The following ADGRG6 variants were observed in gnomAD, a reference collection of about 807,000 sequenced individuals.
ADGRG6 encodes adhesion G protein-coupled receptor G6.
A neutral mutation model predicts 142.4 loss-of-function variants in ADGRG6; 84 were observed. The observed-to-expected ratio is 0.59, with a 90% CI of 0.49 to 0.71. The LOEUF is 0.71. Ranked by LOEUF, ADGRG6 falls within the 30% of genes least tolerant of loss-of-function variation. ADGRG6 has a pLI of 0.00. For synonymous variants in ADGRG6, 521 were observed against 520.5 expected (o/e 1.00, Z -0.01); for missense variants, 1,367 against 1,466.6 (o/e 0.93, Z 1.11).
chr6:142,411,337 G>A lies in ADGRG6; in HGVS notation c.2467G>A (p.Val823Ile). The A allele has an allele frequency of 6.2e-7, 1 of 1,608,616 alleles. No homozygotes were observed. Among genetic ancestry groups the A allele is most frequent in the Non-Finnish European group, 8.5e-7 (1 of 1,175,144 alleles). The stretch of plus-strand genomic sequence containing the variant: ...TGGAGGATGGAACACGTCAGGATGT[G>A]TTGCACACAGAGATTCAGATGCAAG... ...SFGGWNTSGC[V>I]AHRDSDASET... The change falls in exon 18 of 25, where the codon GTT becomes ATT. Residue 823 changes from valine (V) to isoleucine (I), a missense_variant. Transcript: ENST00000367609.
Position 142,375,381 on chromosome 6 carries a change from C to T in ADGRG6, c.1069+4588C>T, listed in dbSNP as rs538318204. On this transcript the variant is annotated intron_variant, in intron 4 of 24. Transcript: ENST00000367609. The stretch of plus-strand genomic sequence containing the variant: ...ATTCCAAGTTGACGTTAAACACTCA[C>T]ATTCCAGACATTCAGATGTCCTGGA... Among the ~76,000 whole-genome samples the T allele has an allele frequency of 2.3e-4, 35 of 152,292 alleles. No individual in the cohort carries two copies. The South Asian group carries it at 7.0e-3, about 31-fold the overall frequency.
chr6:142,370,876 A>T, intron 4 of ADGRG6, 83 bp downstream of exon 4: 3 of 1,294,622 alleles, frequency 2.3e-6, no homozygotes, highest in Admixed American at 4.0e-5. Context: ...TTATACATAC[A>T]CACAAATGTA....
intron 2 of ADGRG6, among the ~76,000 whole-genome samples, chr6:142,328,560 T>C (rs1778893406): frequency 6.6e-6 from 1 of 152,196 alleles, no homozygotes; most frequent in African/African-American, 2.4e-5. Context: ...AGGTTGTGTT[T>C]TTTAAATCTA....
chr6:142,405,772 T>G lies in ADGRG6; in HGVS notation c.2212T>G (p.Ser738Ala). 1 of 1,607,914 alleles carries G rather than the reference T, an allele frequency of 6.2e-7. No individual in the cohort carries two copies. The highest frequency in any genetic ancestry group is 2.2e-5 in the East Asian group (1 of 44,718). Residue 738 changes from serine to alanine, a missense_variant, in exon 15 of 25, where the codon TCT (serine) becomes GCT (alanine). Around this residue, in one of 3 missense-constraint regions of ADGRG6, gnomAD observed 286 missense variants for 371.4 expected, o/e 0.77. Coordinates refer to ENST00000367609, the MANE Select transcript of ADGRG6 (RefSeq NM_198569.3). ...ACTTGAGAATTTAAGTCCAGAAGAT[T>G]CTGTATTAGTTAGAAGAGCACAGTT... ...NLLENLSPED[S>A]VLVRRAQFTF...
rs1005872025 is a variant in ADGRG6, at chr6:142,370,545, C to T, written c.821C>T (p.Thr274Ile). Reference protein sequence around the residue: ...IGVNFKRNYETVPCDSTISKV... With the variant: ...IGVNFKRNYEIVPCDSTISKV... Reference sequence around the variant, plus strand: ...GTAAATTTCAAAAGAAACTATGAAACAGTTCCATGTGATTCTACCATTAGT... The same window carrying T: ...GTAAATTTCAAAAGAAACTATGAAATAGTTCCATGTGATTCTACCATTAGT... Residue 274 changes from threonine (T) to isoleucine (I), a missense_variant, in exon 4 of 25, where the codon ACA becomes ATA. Thr to Ile is a moderately conservative substitution (Grantham distance 89). Transcript: ENST00000367609. 6.2e-6 allele frequency: 10 copies of T among 1,613,162 alleles called. No homozygotes were observed. Among genetic ancestry groups the T allele is most frequent in the Middle Eastern group, 1.6e-4 (1 of 6,084 alleles).
At chr6:142,401,942 C>G (rs1359870977) in intron 11 of ADGRG6, 52 bp from the exon 12 acceptor site, 2 of 839,612 alleles carry the variant, frequency 2.4e-6, no homozygotes, top group African/African-American at 1.7e-5. Flanking sequence ...TTAAGCAGTA[C>G]AAAATAATAC....
At chr6:142,413,899 T>TCACACACACACACACACACACA (rs112923600) in intron 18 of ADGRG6, among the ~76,000 whole-genome samples, 11 of 141,394 alleles carry the variant, frequency 7.8e-5, no homozygotes, top group South Asian at 2.4e-4. Flanking sequence ...CATTTCTTTA[T>TCACACACACACACACACACACA]CACACACACA....
intron 2 of ADGRG6, among the ~76,000 whole-genome samples, chr6:142,333,900 G>A (rs761216766): frequency 1.3e-5 from 2 of 152,194 alleles, no homozygotes; most frequent in Admixed American, 1.3e-4. Flanking sequence ...CTTTAATTCC[G>A]GCCTTCTGTC....
intron 1 of ADGRG6, 146 bp downstream of exon 1, chr6:142,302,477 A>C: frequency 1.3e-6 from 1 of 799,764 alleles, no homozygotes; most frequent in Middle Eastern, 2.5e-4. Context: ...GTTTGTCTTC[A>C]GTTTGCCCCT....
chr6:142,405,862 T>C, intron 15 of ADGRG6, 34 bp downstream of exon 15: 1 of 1,485,206 alleles, frequency 6.7e-7, no homozygotes, highest in Non-Finnish European at 9.1e-7. Context: ...GTTTTTCAAC[T>C]GCAAATGAAG....
At chr6:142,368,332 A>C (rs1437152903) in intron 3 of ADGRG6, among the ~76,000 whole-genome samples, 1 of 152,212 alleles carries the variant, frequency 6.6e-6, no homozygotes, top group Non-Finnish European at 1.5e-5. Flanking sequence ...TGAACAGTAA[A>C]TTTTTAACAA....
chr6:142,336,630 G>A (rs1044109505), intron 2 of ADGRG6, among the ~76,000 whole-genome samples: 3 of 152,042 alleles, frequency 2.0e-5, no homozygotes, highest in African/African-American at 7.3e-5. Flanking sequence ...ATGTTCTAAG[G>A]AACTGTGTAC....
intron 2 of ADGRG6, among the ~76,000 whole-genome samples, chr6:142,335,743 G>C (rs1377830308): frequency 6.6e-6 from 1 of 152,090 alleles, no homozygotes; most frequent in Non-Finnish European, 1.5e-5. Context: ...CTGAACTATA[G>C]ACAGCAGCAA....
chr6:142,436,448 G>A (rs892632338), intron 22 of ADGRG6, among the ~76,000 whole-genome samples: 1 of 151,960 alleles, frequency 6.6e-6, no homozygotes, highest in Non-Finnish European at 1.5e-5. Context: ...TTACAAGAGT[G>A]GTCATAGTAG....
At chr6:142,434,860 C>A (rs1296261245) in intron 22 of ADGRG6, among the ~76,000 whole-genome samples, 9 of 152,164 alleles carry the variant, frequency 5.9e-5, no homozygotes, top group African/African-American at 1.7e-4. Context: ...CAGGACCCAT[C>A]ATGTAGAAAT....
intron 9 of ADGRG6, among the ~76,000 whole-genome samples, chr6:142,397,407 A>C (rs1175545524): frequency 6.6e-6 from 1 of 152,182 alleles, no homozygotes; most frequent in Non-Finnish European, 1.5e-5. Flanking sequence ...TTATACAAGC[A>C]ATAGCCTATA....
In ADGRG6 at chr6:142,437,427, G is replaced by T; in HGVS notation, c.3320-7G>T. The T allele has an allele frequency of 1.5e-6, 2 of 1,339,062 alleles. No homozygotes were observed. Among genetic ancestry groups the T allele is most frequent in the Admixed American group, 1.7e-5 (1 of 58,144 alleles). 82.9% of individuals were successfully genotyped at this position (1,339,062 alleles called of 1,614,324 possible). A position where few individuals can be genotyped will look rare whatever the true frequency, so the allele number is the denominator to read the frequency against. On this transcript the variant is annotated splice_region_variant and splice_polypyrimidine_tract_variant and intron_variant, in intron 22 of 24. Coordinates refer to ENST00000367609, the MANE Select transcript of ADGRG6 (RefSeq NM_198569.3). ...GGCTTAAATATTTATATTTTCTTTTGTCACAGGCTTATTTATATTCATCTT... is the reference window on the plus strand; with the variant it reads ...GGCTTAAATATTTATATTTTCTTTTTTCACAGGCTTATTTATATTCATCTT...
At chr6:142,432,258 G>A (rs1479668852) in intron 22 of ADGRG6, among the ~76,000 whole-genome samples, 2 of 152,112 alleles carry the variant, frequency 1.3e-5, no homozygotes, top group Non-Finnish European at 2.9e-5. Context: ...ACTGAACTGT[G>A]AAAGGGCTAT....
chr6:142,386,090 T>C (rs1782004566), intron 6 of ADGRG6, among the ~76,000 whole-genome samples: 1 of 152,214 alleles, frequency 6.6e-6, no homozygotes, highest in South Asian at 2.1e-4. Flanking sequence ...TGCTTGATAA[T>C]CAGATATATT....
Sources: allele counts gnomAD v4.1 joint callset (sites outside exome capture counted in the v4.1 genomes callset), GRCh38; gene constraint gnomAD v4.1.1; regional missense constraint gnomAD v4.1.1; transcripts MANE v1.5; gene names NCBI Gene and HGNC (gene_info 2026-07-23, HGNC 2026-07-21).